ATF7: variants seen among roughly 807,000 people sequenced by gnomAD.
ATF7 encodes activating transcription factor 7.
In ATF7, 10 loss-of-function variants were observed where a neutral mutation model predicts 50.4. That is an observed-to-expected ratio of 0.20 (90% confidence interval 0.12 to 0.34). The LOEUF (loss-of-function observed/expected upper bound fraction) is 0.34. ATF7 is among the 10% of genes least tolerant of loss of function. The pLI, the probability that ATF7 is intolerant of heterozygous loss-of-function variation, is 1.00. For synonymous variants in ATF7, 201 were observed against 226.4 expected (o/e 0.89, Z 1.01); for missense variants, 465 against 613.9 (o/e 0.76, Z 2.56).
chr12:53,537,190 T>G (rs1004271745), intron 5 of ATF7, among the ~76,000 whole-genome samples: 1 of 151,838 alleles, frequency 6.6e-6, no homozygotes, highest in Non-Finnish European at 1.5e-5. Flanking sequence ...CACCTCATAC[T>G]CTCAAGTAGC....
At chr12:53,517,382 G>A (rs772815932) in intron 11 of ATF7, 28 bp from the exon 12 acceptor site, 1 of 1,593,188 alleles carries the variant, frequency 6.3e-7, no homozygotes. Context: ...AAAGAGCAGA[G>A]AGCAATTGGT....
chr12:53,543,890 G>A (rs1235871509), intron 3 of ATF7: 1 of 158,066 alleles, frequency 6.3e-6, no homozygotes, highest in East Asian at 1.8e-4. Context: ...GTTAAAATCT[G>A]ATGAGAAGAA....
intron 11 of ATF7, among the ~76,000 whole-genome samples, chr12:53,520,755 A>AT (rs1290775749): frequency 1.3e-5 from 2 of 151,894 alleles, no homozygotes; most frequent in Non-Finnish European, 2.9e-5. Context: ...ATTAATGACA[A>AT]CTTCATTCTT....
intron 4 of ATF7, chr12:53,543,061 TA>T (rs869099383): frequency 3.8e-6 from 5 of 1,320,330 alleles, no homozygotes; most frequent in Non-Finnish European, 9.7e-7. Context: ...AAATATTTTT[TA>T]AAAAACCGAT....
At chr12:53,618,693 T>C (rs190751895) in intron 1 of ATF7, among the ~76,000 whole-genome samples, 1 of 148,300 alleles carries the variant, frequency 6.7e-6, no homozygotes, top group Admixed American at 6.8e-5. Context: ...ACTACAATTA[T>C]AAATGGCAAT....
intron 1 of ATF7, among the ~76,000 whole-genome samples, chr12:53,605,187 G>C (rs1018101678): frequency 3.3e-5 from 5 of 152,010 alleles, no homozygotes; most frequent in Admixed American, 3.3e-4. Flanking sequence ...TCAGGAGTTT[G>C]AGACCAGCCT....
At chr12:53,608,451 C>T (rs961612379) in intron 1 of ATF7, among the ~76,000 whole-genome samples, 1 of 152,088 alleles carries the variant, frequency 6.6e-6, no homozygotes, top group African/African-American at 2.4e-5. Flanking sequence ...TATAAACACA[C>T]AAGGTAAAAC....
intron 1 of ATF7, among the ~76,000 whole-genome samples, chr12:53,610,419 G>T (rs1456775396): frequency 7.2e-5 from 11 of 151,952 alleles, no homozygotes; most frequent in Non-Finnish European, 1.3e-4. Flanking sequence ...ACAAAAATTA[G>T]CCGGGTGTCA....
intron 11 of ATF7, among the ~76,000 whole-genome samples, chr12:53,520,597 C>T (rs1213881620): frequency 6.6e-6 from 1 of 152,064 alleles, no homozygotes; most frequent in Admixed American, 6.6e-5. Context: ...TATCTTCAGC[C>T]TTTCCTCTGA....
At chr12:53,511,394 G>A (rs759666024), downstream of ATF7, among the ~76,000 whole-genome samples, 2 of 152,002 alleles carry the variant, frequency 1.3e-5, no homozygotes, top group African/African-American at 2.4e-5. Flanking sequence ...GATTACAGGC[G>A]CCCGCCACCA....
At chr12:53,609,140 T>C (rs1943736202) in intron 1 of ATF7, among the ~76,000 whole-genome samples, 1 of 150,694 alleles carries the variant, frequency 6.6e-6, no homozygotes, top group Non-Finnish European at 1.5e-5. Flanking sequence ...GCCTGTTTCT[T>C]TTCTTTCTCT....
chr12:53,569,606 A>C (rs976793857), intron 2 of ATF7, among the ~76,000 whole-genome samples: 35 of 152,236 alleles, frequency 2.3e-4, no homozygotes, highest in African/African-American at 8.2e-4. Flanking sequence ...GAATACTTTC[A>C]TGTCTTATAC....
chr12:53,528,555 G>C (rs1938634437), intron 9 of ATF7, among the ~76,000 whole-genome samples: 1 of 152,136 alleles, frequency 6.6e-6, no homozygotes, highest in South Asian at 2.1e-4. Context: ...CTGAGGTCAG[G>C]AGTTCGAGAC....
At chr12:53,581,751 A>G (rs527636859) in intron 2 of ATF7, among the ~76,000 whole-genome samples, 6 of 152,066 alleles carry the variant, frequency 3.9e-5, no homozygotes. Context: ...AAAATCAATA[A>G]TCTAAGCTTC....
chr12:53,561,922 C>T (rs67968020), intron 2 of ATF7, among the ~76,000 whole-genome samples: 17,011 of 152,120 alleles, frequency 0.11, 1,058 homozygotes, highest in Admixed American at 0.19. Context: ...AAAACTTTCC[C>T]CCAAAATACT....
intron 7 of ATF7, among the ~76,000 whole-genome samples, 167 bp downstream of exon 7, chr12:53,532,993 T>C (rs1005449487): frequency 2.6e-5 from 4 of 152,238 alleles, no homozygotes; most frequent in Middle Eastern, 3.2e-3. Flanking sequence ...TGTTCCATAG[T>C]GCTGGATTGG....
intron 2 of ATF7, among the ~76,000 whole-genome samples, chr12:53,561,994 C>T (rs1941150221): frequency 6.6e-6 from 1 of 152,192 alleles, no homozygotes; most frequent in African/African-American, 2.4e-5. Flanking sequence ...GCGGGGACAA[C>T]CCACCAAACT....
At chr12:53,582,342 A>C (rs959817040) in intron 2 of ATF7, among the ~76,000 whole-genome samples, 5 of 150,964 alleles carry the variant, frequency 3.3e-5, no homozygotes, top group African/African-American at 1.2e-4. Flanking sequence ...AAAAAAAAAA[A>C]AACCTACTAT....
chr12:53,606,647 T>C (rs534261121), intron 1 of ATF7, among the ~76,000 whole-genome samples: 1 of 152,024 alleles, frequency 6.6e-6, no homozygotes, highest in Non-Finnish European at 1.5e-5. Flanking sequence ...ATGTGCCATG[T>C]TGGTGTGCTG....
Sources: allele counts gnomAD v4.1 joint callset (sites outside exome capture counted in the v4.1 genomes callset), GRCh38; gene constraint gnomAD v4.1.1; transcripts MANE v1.5; gene names NCBI Gene and HGNC (gene_info 2026-07-23, HGNC 2026-07-21).